Variants in ASXL2 observed in about 807,000 individuals in gnomAD.
ASXL2 encodes the protein ASXL transcriptional regulator 2.
ASXL2 carries 23 observed loss-of-function variants against 122.0 expected under a neutral mutation model. The observed-to-expected ratio is 0.19, with a 90% CI of 0.14 to 0.27. The LOEUF is 0.27. Among genes scored for constraint, ASXL2 ranks in the 10% least tolerant of loss-of-function variants. The probability of loss-of-function intolerance (pLI) is 1.00; values close to 1 mark genes in which losing one functional copy is unlikely to be tolerated. For missense variants in ASXL2, 1,518 were observed against 1,713.8 expected (o/e 0.89, Z 2.02); for synonymous variants, 650 against 637.0 (o/e 1.02, Z -0.31).
chr2:25,738,287 C>T lies in ASXL2; in HGVS notation c.*3742G>A, dbSNP rs978029095. On this transcript the variant is annotated 3_prime_UTR_variant, in exon 13 of 13. Coordinates refer to ENST00000435504, the MANE Select transcript of ASXL2 (RefSeq NM_018263.6). ...AAAAAATAAAGTAACCAAGAATCTA[C>T]GAAGCTATTGCTTCAACTTTAGGAA... 2.0e-5 allele frequency: 3 copies of T among 152,106 alleles called. No individual in the cohort carries two copies. Among genetic ancestry groups the T allele is most frequent in the Non-Finnish European group, 2.9e-5 (2 of 68,008 alleles). 9.4% of individuals were successfully genotyped at this position (152,106 alleles called of 1,614,324 possible).
chr2:25,790,052 T>C (rs1204474438), intron 5 of ASXL2, among the ~76,000 whole-genome samples: 1 of 152,154 alleles, frequency 6.6e-6, no homozygotes, highest in Admixed American at 6.6e-5. Context: ...AGTTTCTCCT[T>C]TAAAGATAAA....
chr2:25,769,155 T>C (rs779480931), intron 6 of ASXL2, among the ~76,000 whole-genome samples: 17 of 152,160 alleles, frequency 1.1e-4, no homozygotes, highest in Non-Finnish European at 1.9e-4. Context: ...TTTATATAAA[T>C]GTGAAAAAGT....
chr2:25,811,055 T>TAC (rs34006530), intron 3 of ASXL2, among the ~76,000 whole-genome samples: 13,929 of 116,278 alleles, frequency 0.12, 843 homozygotes, highest in Middle Eastern at 0.14. Context: ...AATACAAAAA[T>TAC]ACACACACAC....
chr2:25,869,912 T>TG (rs1553707767), intron 1 of ASXL2, among the ~76,000 whole-genome samples: 4 of 137,870 alleles, frequency 2.9e-5, no homozygotes, highest in Non-Finnish European at 6.3e-5. Flanking sequence ...AATGAAATAC[T>TG]AAAAAAAAAA....
rs115027554 is a variant in ASXL2 at position 25,826,958 on chromosome 2, C to A, written c.143+8580G>T. 5.4e-3 allele frequency among the ~76,000 whole-genome samples: 809 copies of A among 151,200 alleles called. 6 individuals carry two copies. The highest frequency in any genetic ancestry group is 0.018 in the African/African-American group (758 of 41,188). ...CCTTCCTCCTCAGCCTCTTGAGTAG[C>A]TGAACCACATGTCTGCATCACCACG... On this transcript the variant is annotated intron_variant, in intron 3 of 12. Coordinates refer to ENST00000435504, the MANE Select transcript of ASXL2 (RefSeq NM_018263.6).
intron 10 of ASXL2, 124 bp downstream of exon 10, chr2:25,755,894 G>C (rs1282892870): frequency 1.2e-6 from 1 of 820,602 alleles, no homozygotes; most frequent in African/African-American, 1.7e-5. Flanking sequence ...ACACATGATG[G>C]TTAATTCTAT....
intron 4 of ASXL2, among the ~76,000 whole-genome samples, chr2:25,804,229 T>C (rs1321047222): frequency 2.6e-5 from 4 of 152,176 alleles, no homozygotes; most frequent in Admixed American, 2.6e-4. Context: ...AGCTCAAAGC[T>C]AAAAGGTAAC....
At chr2:25,846,701 A>G (rs893349920) in intron 1 of ASXL2, among the ~76,000 whole-genome samples, 15 of 152,150 alleles carry the variant, frequency 9.9e-5, no homozygotes, top group African/African-American at 3.6e-4. Context: ...CTATAATTTT[A>G]GCTACTCGGG....
chr2:25,827,999 T>G (rs1460134432), intron 3 of ASXL2, among the ~76,000 whole-genome samples: 2 of 152,224 alleles, frequency 1.3e-5, no homozygotes, highest in African/African-American at 4.8e-5. Flanking sequence ...AAGCATGGCT[T>G]TGTCCACTAG....
chr2:25,796,930 C>CA (rs2088919427), intron 5 of ASXL2, among the ~76,000 whole-genome samples: 1 of 152,090 alleles, frequency 6.6e-6, no homozygotes, highest in Non-Finnish European at 1.5e-5. Flanking sequence ...ACACGCTTCA[C>CA]AAAAAATTAA....
intron 5 of ASXL2, among the ~76,000 whole-genome samples, chr2:25,795,529 T>C (rs2088898459): frequency 6.6e-6 from 1 of 152,128 alleles, no homozygotes; most frequent in Non-Finnish European, 1.5e-5. Flanking sequence ...GAAACACAGA[T>C]ACAACAGCCA....
At chr2:25,854,925 C>A (rs1361540086) in intron 1 of ASXL2, among the ~76,000 whole-genome samples, 1 of 152,180 alleles carries the variant, frequency 6.6e-6, no homozygotes, top group Non-Finnish European at 1.5e-5. Flanking sequence ...CAAGAACAGG[C>A]TTACTGTAGA....
intron 1 of ASXL2, among the ~76,000 whole-genome samples, chr2:25,854,355 C>T (rs543444945): frequency 6.6e-6 from 1 of 152,160 alleles, no homozygotes; most frequent in Non-Finnish European, 1.5e-5. Flanking sequence ...TTAACCTTTA[C>T]AATAAACCTA....
At chr2:25,792,869 G>A (rs990295664) in intron 5 of ASXL2, among the ~76,000 whole-genome samples, 9 of 151,814 alleles carry the variant, frequency 5.9e-5, no homozygotes, top group Non-Finnish European at 8.8e-5. Context: ...GCTTCCCAAA[G>A]TACTGGGATT....
chr2:25,781,059 C>CAAAAAAAAAA (rs56394505), intron 5 of ASXL2, among the ~76,000 whole-genome samples: 1 of 109,886 alleles, frequency 9.1e-6, no homozygotes, highest in Non-Finnish European at 1.8e-5. Flanking sequence ...ACTCCATCTC[C>CAAAAAAAAAA]AAAAAAAAAA....
chr2:25,743,110 C>T lies in ASXL2; in HGVS notation c.3227G>A (p.Arg1076Lys). The T allele has an allele frequency of 6.2e-7, 1 of 1,614,012 alleles. No individual in the cohort carries two copies. Among genetic ancestry groups the T allele is most frequent in the Non-Finnish European group, 8.5e-7 (1 of 1,179,904 alleles). Residue 1076 changes from arginine to lysine, a missense_variant, in exon 13 of 13, where the codon AGG (arginine) becomes AAG (lysine). This residue lies in a region of ASXL2 where 831 missense variants were observed against 833.1 expected (regional missense o/e 1.00). Transcript: ENST00000435504. ...CGGCACAACTGAGAGAAGATTCTGC[C>T]TCCGAACCCTCTGAATGAGAGTCTG... ...ILQTLIQRVR[R>K]QNLLSVVPPS... is the part of the protein sequence containing the mutation.
chr2:25,848,186 G>A (rs1188366487), intron 1 of ASXL2, among the ~76,000 whole-genome samples: 2 of 152,144 alleles, frequency 1.3e-5, no homozygotes, highest in Admixed American at 6.5e-5. Flanking sequence ...TTATCAGAAT[G>A]AGCCACACTC....
rs547745782 is a variant in ASXL2, at chr2:25,759,054, A to G, written c.939+428T>C. On this transcript the variant is annotated intron_variant, in intron 9 of 12. Coordinates refer to ENST00000435504, the MANE Select transcript of ASXL2 (RefSeq NM_018263.6). ...ACTGCAATCTCTGCCTCCCAGGTTC[A>G]AGCGATTCTCCTGGCTCAGCCTCCC... is the stretch of plus-strand genomic sequence containing the variant. Among the ~76,000 whole-genome samples, 12 of 152,110 alleles carry G rather than the reference A, an allele frequency of 7.9e-5. No homozygotes were observed. The South Asian group carries it at 2.5e-3, about 32-fold the overall frequency.
chr2:25,849,085 T>G (rs1645224255), intron 1 of ASXL2, among the ~76,000 whole-genome samples: 1 of 56,438 alleles, frequency 1.8e-5, no homozygotes, highest in Non-Finnish European at 3.2e-5. Context: ...ATGGAATATT[T>G]ATTTTCTTTT....
Sources: allele counts gnomAD v4.1 joint callset (sites outside exome capture counted in the v4.1 genomes callset), GRCh38; gene constraint gnomAD v4.1.1; regional missense constraint gnomAD v4.1.1; transcripts MANE v1.5; gene names NCBI Gene and HGNC (gene_info 2026-07-23, HGNC 2026-07-21).